Variants in GPD2 observed in about 807,000 individuals in gnomAD.
GPD2 encodes the protein glycerol-3-phosphate dehydrogenase 2.
Under a neutral mutation model 82.4 loss-of-function variants are expected in GPD2, and 54 were observed. The ratio of observed to expected loss-of-function variants is 0.66; its 90% CI spans 0.53 to 0.82. The LOEUF (loss-of-function observed/expected upper bound fraction) is 0.82. GPD2 is among the 40% of genes least tolerant of loss of function. GPD2 has a pLI of 0.00. For missense variants in GPD2, 748 were observed against 896.2 expected (o/e 0.83, Z 2.11); for synonymous variants, 288 against 306.1 (o/e 0.94, Z 0.62).
intron 1 of GPD2, among the ~76,000 whole-genome samples, chr2:156,439,043 A>G (rs1399714151): frequency 6.6e-6 from 1 of 152,208 alleles, no homozygotes. Context: ...AGACTATTGG[A>G]AAGATCACCT....
intron 13 of GPD2, among the ~76,000 whole-genome samples, chr2:156,572,947 T>C (rs978613687): frequency 2.0e-5 from 3 of 152,158 alleles, no homozygotes; most frequent in African/African-American, 7.2e-5. Context: ...GGTGGGGGCC[T>C]GTGTCCTAGT....
At chr2:156,514,129 C>CT (rs5835618) in intron 6 of GPD2, among the ~76,000 whole-genome samples, 3,070 of 141,702 alleles carry the variant, frequency 0.022, 104 homozygotes, top group African/African-American at 0.074. Flanking sequence ...AATGTTCATT[C>CT]TTTTTTTTTT....
chr2:156,566,244 T>G (rs1341700189), intron 9 of GPD2, among the ~76,000 whole-genome samples: 1 of 152,178 alleles, frequency 6.6e-6, no homozygotes, highest in Non-Finnish European at 1.5e-5. Flanking sequence ...TTTACCATTT[T>G]AACCATTTTT....
At chr2:156,425,667 A>G in the GPD2 span, among the ~76,000 whole-genome samples, 1 of 152,160 alleles carries the variant, frequency 6.6e-6, no homozygotes, top group Admixed American at 6.5e-5. Flanking sequence ...GCTGGTCACA[A>G]AAAGTTTGAT....
intron 6 of GPD2, among the ~76,000 whole-genome samples, chr2:156,532,921 T>C (rs1685921893): frequency 6.6e-6 from 1 of 152,198 alleles, no homozygotes; most frequent in Non-Finnish European, 1.5e-5. Flanking sequence ...GAAAGAGCTG[T>C]AGTGCTGCAT....
chr2:156,557,006 C>G (rs1015324694), intron 8 of GPD2, among the ~76,000 whole-genome samples: 2 of 152,138 alleles, frequency 1.3e-5, no homozygotes, highest in African/African-American at 4.8e-5. Context: ...GAAGACATAT[C>G]CTTAATTTAC....
chr2:156,533,707 A>C (rs1685950376), intron 6 of GPD2, among the ~76,000 whole-genome samples: 2 of 152,208 alleles, frequency 1.3e-5, no homozygotes, highest in African/African-American at 4.8e-5. Context: ...CATACATTAT[A>C]CTGTTGCTGC....
At chr2:156,450,002 C>T (rs1682498264) in intron 1 of GPD2, among the ~76,000 whole-genome samples, 1 of 119,832 alleles carries the variant, frequency 8.3e-6, no homozygotes, top group Non-Finnish European at 1.8e-5. Context: ...CAGAGTGAGA[C>T]TCTGTCTCAA....
At chr2:156,428,892 G>T in the GPD2 span, among the ~76,000 whole-genome samples, 1 of 152,154 alleles carries the variant, frequency 6.6e-6, no homozygotes, top group African/African-American at 2.4e-5. Flanking sequence ...TCAGGCCAAG[G>T]AACAGCACCT....
At chr2:156,480,886 C>T (rs1399961459) in intron 2 of GPD2, among the ~76,000 whole-genome samples, 1 of 150,632 alleles carries the variant, frequency 6.6e-6, no homozygotes, top group African/African-American at 2.4e-5. Context: ...TCAAGCGATT[C>T]TCCTGCCTCA....
the GPD2 span, among the ~76,000 whole-genome samples, chr2:156,418,223 GAA>G: frequency 4.8e-5 from 7 of 146,510 alleles, no homozygotes; most frequent in South Asian, 1.3e-3. Context: ...TCAAAAGGAA[GAA>G]AAAAAAAAAC....
At chr2:156,580,471 A>G (rs966909211) in intron 16 of GPD2, among the ~76,000 whole-genome samples, 5 of 152,216 alleles carry the variant, frequency 3.3e-5, no homozygotes, top group African/African-American at 9.6e-5. Flanking sequence ...ACAAACCCAT[A>G]CATTATTTCT....
chr2:156,408,010 A>G, the GPD2 span, among the ~76,000 whole-genome samples: 1 of 122,994 alleles, frequency 8.1e-6, no homozygotes. Context: ...GCTAGAGTAT[A>G]GTGGTGCAAT....
chr2:156,451,335 C>T (rs1376422662), intron 1 of GPD2, among the ~76,000 whole-genome samples: 2 of 150,512 alleles, frequency 1.3e-5, no homozygotes, highest in Non-Finnish European at 3.0e-5. Context: ...GCTGGCCGGG[C>T]GGGGGTGCTC....
intron 2 of GPD2, among the ~76,000 whole-genome samples, chr2:156,495,265 C>T (rs1444951730): frequency 6.6e-6 from 1 of 152,100 alleles, no homozygotes; most frequent in East Asian, 1.9e-4. Context: ...GGCAGATTCA[C>T]CTGAACGTGG....
At chr2:156,415,263 G>A in the GPD2 span, among the ~76,000 whole-genome samples, 2 of 149,144 alleles carry the variant, frequency 1.3e-5, no homozygotes, top group East Asian at 4.0e-4. Flanking sequence ...GGTTCACGCC[G>A]TTCTCCTGCC....
chr2:156,459,318 C>T (rs1305285487), intron 1 of GPD2, among the ~76,000 whole-genome samples: 2 of 151,900 alleles, frequency 1.3e-5, no homozygotes, highest in Admixed American at 6.6e-5. Context: ...GCCTACTGTC[C>T]GGTTTAGGTG....
At chr2:156,437,950 C>A (rs1682010541) in intron 1 of GPD2, among the ~76,000 whole-genome samples, 1 of 152,172 alleles carries the variant, frequency 6.6e-6, no homozygotes, top group African/African-American at 2.4e-5. Flanking sequence ...TATTATAACT[C>A]TGAACTTATC....
Position 156,583,946 on chromosome 2 carries a change from G to A in GPD2, c.*1028G>A, listed in dbSNP as rs1234634795. On this transcript the variant is annotated 3_prime_UTR_variant, in exon 17 of 17. Coordinates refer to ENST00000438166, the MANE Select transcript of GPD2 (RefSeq NM_000408.5). ...TGGGGGTACTTGCAACCATAGTAAA[G>A]GAAGATGGAATAGACTTTAGTTAAC... The A allele has an allele frequency of 6.6e-6, 1 of 152,142 alleles. No homozygotes were observed. The highest frequency in any genetic ancestry group is 1.5e-5 in the Non-Finnish European group (1 of 67,948). 9.4% of individuals were successfully genotyped at this position (152,142 alleles called of 1,614,324 possible). A position where few individuals can be genotyped will look rare whatever the true frequency, so the allele number is the denominator to read the frequency against.
Sources: allele counts gnomAD v4.1 joint callset (sites outside exome capture counted in the v4.1 genomes callset), GRCh38; gene constraint gnomAD v4.1.1; transcripts MANE v1.5; gene names NCBI Gene and HGNC (gene_info 2026-07-23, HGNC 2026-07-21).